STAM2: variants seen among roughly 807,000 people sequenced by gnomAD.
The protein encoded by STAM2 is signal transducing adaptor molecule 2, also known as signal transducing adapter molecule 2.
Under a neutral mutation model 65.6 loss-of-function variants are expected in STAM2, and 51 were observed. That is an observed-to-expected ratio of 0.78 (90% CI 0.62 to 0.98). The LOEUF is 0.98. Among genes scored for constraint, STAM2 ranks in the 50% least tolerant of loss-of-function variants. The probability of loss-of-function intolerance (pLI) is 0.00; values close to 1 mark genes in which losing one functional copy is unlikely to be tolerated. For missense variants in STAM2, 584 were observed against 617.8 expected (o/e 0.95, Z 0.58); for synonymous variants, 198 against 208.4 (o/e 0.95, Z 0.43).
rs1312840009 is a variant in STAM2 at position 152,125,279 on chromosome 2, G to T, written c.1179+947C>A. On this transcript the variant is annotated intron_variant, in intron 12 of 13. Transcript: ENST00000263904. ...CCTCCTAATTTTCAAAAAGATCAAG[G>T]CATGGCATATTTGATAAATGTATCT... Among the ~76,000 whole-genome samples the T allele has an allele frequency of 8.5e-5, 13 of 152,066 alleles. No individual in the cohort carries two copies. In the East Asian group the frequency reaches 2.5e-3, roughly 29 times the overall value.
intron 8 of STAM2, among the ~76,000 whole-genome samples, chr2:152,134,964 C>T (rs1051642285): frequency 2.6e-5 from 4 of 152,170 alleles, no homozygotes; most frequent in African/African-American, 4.8e-5. Context: ...TGCAGACTGA[C>T]TAAAGTTCAG....
chr2:152,141,790 C>G (rs1198136273), intron 7 of STAM2, among the ~76,000 whole-genome samples: 1 of 151,776 alleles, frequency 6.6e-6, no homozygotes, highest in Non-Finnish European at 1.5e-5. Context: ...AGGGTTTCAC[C>G]ATATTGACCA....
At chr2:152,154,162 A>T (rs918440672) in intron 1 of STAM2, among the ~76,000 whole-genome samples, 1 of 152,210 alleles carries the variant, frequency 6.6e-6, no homozygotes, top group Non-Finnish European at 1.5e-5. Context: ...CTCTCCCTGC[A>T]GGGGTAAGGC....
chr2:152,154,478 C>T (rs1286146345), intron 1 of STAM2, among the ~76,000 whole-genome samples: 2 of 152,092 alleles, frequency 1.3e-5, no homozygotes, highest in African/African-American at 4.8e-5. Context: ...GTTAGCTGGG[C>T]GTGGTGGCAC....
intron 7 of STAM2, among the ~76,000 whole-genome samples, chr2:152,141,371 T>C (rs988635568): frequency 4.6e-5 from 7 of 150,656 alleles, no homozygotes; most frequent in Non-Finnish European, 8.9e-5. Flanking sequence ...CCCTCTCTAC[T>C]AAAAATACAA....
In STAM2 at chr2:152,148,211, T is replaced by A; in HGVS notation, c.201+14A>T. On this transcript the variant is annotated intron_variant, in intron 3 of 13. Transcript: ENST00000263904. ...TTAAAATTTGCGTCAAATAATAACA[T>A]GCCTTGTACTCACAGTTAGTGCTTG... The A allele has an allele frequency of 6.2e-7, 1 of 1,602,388 alleles. No homozygotes were observed. The highest frequency in any genetic ancestry group is 8.5e-7 in the Non-Finnish European group (1 of 1,174,936).
chr2:152,169,245 G>C (rs1689855408), intron 1 of STAM2, among the ~76,000 whole-genome samples: 1 of 152,128 alleles, frequency 6.6e-6, no homozygotes, highest in African/African-American at 2.4e-5. Context: ...AATCAATTTT[G>C]TTTTATTTTT....
chr2:152,135,781 C>T (rs557537387), intron 7 of STAM2, among the ~76,000 whole-genome samples, 178 bp from the exon 8 acceptor site: 52 of 152,142 alleles, frequency 3.4e-4, no homozygotes, highest in African/African-American at 1.2e-3. Context: ...AACAAATATC[C>T]ACATCCCTAT....
chr2:152,152,631 G>A (rs1196125793), intron 1 of STAM2, among the ~76,000 whole-genome samples: 2 of 152,160 alleles, frequency 1.3e-5, no homozygotes, highest in Non-Finnish European at 2.9e-5. Flanking sequence ...AAGTCTCTGT[G>A]TGGACATTAC....
At chr2:152,169,793 A>G (rs1459718872) in intron 1 of STAM2, among the ~76,000 whole-genome samples, 1 of 152,044 alleles carries the variant, frequency 6.6e-6, no homozygotes, top group African/African-American at 2.4e-5. Context: ...AACAACAGGA[A>G]TTTCACTGCT....
At chr2:152,142,691 T>C (rs1211943227) in intron 7 of STAM2, among the ~76,000 whole-genome samples, 1 of 152,244 alleles carries the variant, frequency 6.6e-6, no homozygotes, top group Non-Finnish European at 1.5e-5. Flanking sequence ...TTTGCCCAAC[T>C]GTAGGCTAAT....
At chr2:152,162,743 G>C (rs1689706999) in intron 1 of STAM2, among the ~76,000 whole-genome samples, 1 of 152,188 alleles carries the variant, frequency 6.6e-6, no homozygotes, top group Admixed American at 6.5e-5. Context: ...CCTGGTTCAA[G>C]TGATTCTCCC....
At chr2:152,154,798 T>C (rs1417551359) in intron 1 of STAM2, among the ~76,000 whole-genome samples, 2 of 152,314 alleles carry the variant, frequency 1.3e-5, no homozygotes, top group South Asian at 2.1e-4. Context: ...TTCAGAAATA[T>C]ACGTCTATAC....
chr2:152,142,882 T>C (rs892236171), intron 7 of STAM2, among the ~76,000 whole-genome samples: 1 of 152,318 alleles, frequency 6.6e-6, no homozygotes, highest in South Asian at 2.1e-4. Flanking sequence ...CAAAATTTTT[T>C]ATCTTATCAA....
intron 5 of STAM2, 69 bp from the exon 6 acceptor site, chr2:152,145,026 C>A: frequency 8.1e-7 from 1 of 1,233,414 alleles, no homozygotes; most frequent in Non-Finnish European, 1.2e-6. Flanking sequence ...TAATTACTTG[C>A]AGATGGTAAA....
chr2:152,133,540 A>T, intron 8 of STAM2, 56 bp from the exon 9 acceptor site: 2 of 1,385,120 alleles, frequency 1.4e-6, no homozygotes, highest in Non-Finnish European at 1.0e-6. Context: ...AATTTTAGTC[A>T]TTAATTTATA....
chr2:152,152,133 G>A (rs1689457574), intron 1 of STAM2, among the ~76,000 whole-genome samples: 1 of 152,168 alleles, frequency 6.6e-6, no homozygotes, highest in African/African-American at 2.4e-5. Flanking sequence ...TGGAGACGGG[G>A]TTTTGCCATG....
At chr2:152,161,361 G>T (rs1222920861) in intron 1 of STAM2, among the ~76,000 whole-genome samples, 1 of 150,878 alleles carries the variant, frequency 6.6e-6, no homozygotes, top group Non-Finnish European at 1.5e-5. Context: ...CAAACACTGC[G>T]GAAGGCTGCA....
At chr2:152,169,172 A>G (rs1335596862) in intron 1 of STAM2, among the ~76,000 whole-genome samples, 1 of 152,218 alleles carries the variant, frequency 6.6e-6, no homozygotes, top group Admixed American at 6.5e-5. Flanking sequence ...CAGAACTAGA[A>G]TACAGATTTG....
Sources: gnomAD v4.1 joint callset for allele counts (sites outside exome capture counted in the v4.1 genomes callset) on GRCh38, gnomAD v4.1.1 for gene constraint, MANE v1.5 for transcripts, NCBI Gene and HGNC (gene_info 2026-07-23, HGNC 2026-07-21) for gene names.